A2ML1: variants seen among roughly 807,000 people sequenced by gnomAD.
A2ML1 encodes alpha-2-macroglobulin like 1.
A neutral mutation model predicts 181.9 loss-of-function variants in A2ML1; 161 were observed. The observed-to-expected ratio is 0.89, with a 90% CI of 0.78 to 1.01. A2ML1 has a LOEUF of 1.01. A2ML1 is among the 50% of genes least tolerant of loss of function. The pLI, the probability that A2ML1 is intolerant of heterozygous loss-of-function variation, is 0.00. For synonymous variants in A2ML1, 663 were observed against 666.8 expected (o/e 0.99, Z 0.09); for missense variants, 1,670 against 1,768.1 (o/e 0.94, Z 1.00).
chr12:8,851,378 C>G (rs1479556693), intron 18 of A2ML1, among the ~76,000 whole-genome samples: 1 of 151,902 alleles, frequency 6.6e-6, no homozygotes, highest in Non-Finnish European at 1.5e-5. Context: ...CATACAATAA[C>G]AATAACAATT....
chr12:8,884,423 A>C (rs898372218), intron 7 of A2ML1, among the ~76,000 whole-genome samples: 4 of 148,780 alleles, frequency 2.7e-5, no homozygotes, highest in African/African-American at 9.9e-5. Flanking sequence ...CCCTCCTCCT[A>C]CTATCCTCCG....
At chr12:8,873,852 C>G (rs1041577520) in intron 33 of A2ML1, among the ~76,000 whole-genome samples, 1 of 151,932 alleles carries the variant, frequency 6.6e-6, no homozygotes, top group African/African-American at 2.4e-5. Flanking sequence ...AGCCATGGGT[C>G]AGGGTGGACC....
chr12:8,868,459 T>TGTGC (rs2136961703), intron 31 of A2ML1, 78 bp from the exon 32 acceptor site: 1 of 1,399,296 alleles, frequency 7.1e-7, no homozygotes, highest in Non-Finnish European at 9.6e-7. Flanking sequence ...TGTGTGTACG[T>TGTGC]GTGTGTGTGT....
intron 28 of A2ML1, among the ~76,000 whole-genome samples, chr12:8,861,602 C>T (rs1944267091): frequency 6.6e-6 from 1 of 152,092 alleles, no homozygotes; most frequent in Non-Finnish European, 1.5e-5. Flanking sequence ...ATTCTCCTGC[C>T]TCAGCCTCCC....
At chr12:8,827,866 G>T (rs1942980779) in intron 3 of A2ML1, among the ~76,000 whole-genome samples, 1 of 152,174 alleles carries the variant, frequency 6.6e-6, no homozygotes, top group African/African-American at 2.4e-5. Flanking sequence ...GGCTCATAGA[G>T]GTACCTCCTT....
chr12:8,858,904 T>G (rs1944163219), intron 26 of A2ML1, among the ~76,000 whole-genome samples: 1 of 152,130 alleles, frequency 6.6e-6, no homozygotes, highest in Admixed American at 6.5e-5. Context: ...TGTAAGAAGT[T>G]TACTCTATTG....
Position 8,868,834 on chromosome 12 carries a change from G to C in A2ML1, c.4152+207G>C, listed in dbSNP as rs7969113. Among the ~76,000 whole-genome samples the C allele has an allele frequency of 0.2, 30,412 of 151,744 alleles. 3,311 individuals are homozygous for C. Among genetic ancestry groups the C allele is most frequent in the African/African-American group, 0.29 (12,100 of 41,288 alleles). On this transcript the variant is annotated intron_variant, in intron 32 of 35. Coordinates refer to ENST00000299698, the MANE Select transcript of A2ML1 (RefSeq NM_144670.6). ...TATATGGCATCCATATACACAGTAT[G>C]TGATTATATATATGTGTGTGTATAC...
Position 8,869,193 on chromosome 12 carries a change from A to T in A2ML1, c.4211A>T (p.Tyr1404Phe). The T allele has an allele frequency of 6.2e-7, 1 of 1,614,024 alleles. No homozygotes were observed. Among genetic ancestry groups the T allele is most frequent in the African/African-American group, 1.3e-5 (1 of 75,002 alleles). The change falls in exon 33 of 36, where the codon TAC becomes TTC. Residue 1404 changes from tyrosine (Y) to phenylalanine (F), a missense_variant. Tyr to Phe is a conservative substitution (Grantham distance 22, BLOSUM62 3). Coordinates refer to ENST00000299698, the MANE Select transcript of A2ML1 (RefSeq NM_144670.6). ...TTTGGAACTGACACACTTAACATTT[A>T]CTTGGATGAGGTAGGTATTCAGGAA... ...VEFGTDTLNI[Y>F]LDELIKNTQT...
At position 8,874,495 on chromosome 12, in the gene A2ML1, C is replaced by T. The variant is rs863224955; in HGVS notation, c.4292C>T (p.Ala1431Val). 1 of 1,614,012 alleles carries T rather than the reference C, an allele frequency of 6.2e-7. No homozygotes were observed. Among genetic ancestry groups the T allele is most frequent in the Non-Finnish European group, 8.5e-7 (1 of 1,179,908 alleles). The change falls in exon 34 of 36, where the codon GCA (alanine) becomes GTA (valine). Residue 1431 changes from alanine (A) to valine (V), a missense_variant. Coordinates refer to ENST00000299698, the MANE Select transcript of A2ML1 (RefSeq NM_144670.6). ...GTGCTGGTCACCAACTTGAAACCAG[C>T]AACCATCAAGGTCTATGACTACTAC... Reference protein sequence around the residue: ...QSVLVTNLKPATIKVYDYYLP... With the variant: ...QSVLVTNLKPVTIKVYDYYLP...
chr12:8,879,328 C>T (rs763579517), downstream of A2ML1, among the ~76,000 whole-genome samples: 1 of 151,882 alleles, frequency 6.6e-6, no homozygotes, highest in Non-Finnish European at 1.5e-5. Context: ...CCTGTCCCTA[C>T]TAAATATACA....
intron 23 of A2ML1, among the ~76,000 whole-genome samples, chr12:8,856,814 T>C (rs1222426770): frequency 6.6e-6 from 1 of 152,120 alleles, no homozygotes; most frequent in Non-Finnish European, 1.5e-5. Flanking sequence ...TAATGTGTTG[T>C]AATGGTTTGC....
At chr12:8,869,097 G>T (rs1944533375) in intron 32 of A2ML1, 38 bp from the exon 33 acceptor site, 1 of 1,605,306 alleles carries the variant, frequency 6.2e-7, no homozygotes, top group East Asian at 2.2e-5. Context: ...GGAAGGCTCT[G>T]GCTCTTAGTA....
chr12:8,825,431 C>G (rs932767726), intron 3 of A2ML1, among the ~76,000 whole-genome samples: 1 of 152,018 alleles, frequency 6.6e-6, no homozygotes, highest in Non-Finnish European at 1.5e-5. Context: ...TTTGCCCGTT[C>G]TTTAATCTGA....
At chr12:8,875,984 T>A (rs1490520835) in intron 35 of A2ML1, 74 bp from the exon 36 acceptor site, 1 of 152,184 alleles carries the variant, frequency 6.6e-6, no homozygotes, top group African/African-American at 2.4e-5. Context: ...AGAGGTCAAG[T>A]ATCCTCTATG....
chr12:8,851,520 C>G (rs1321145777), intron 18 of A2ML1, among the ~76,000 whole-genome samples: 1 of 152,080 alleles, frequency 6.6e-6, no homozygotes, highest in Non-Finnish European at 1.5e-5. Flanking sequence ...ATCCTCCTGC[C>G]TCAGCCTCCT....
intron 33 of A2ML1, 111 bp from the exon 34 acceptor site, chr12:8,874,314 C>G: frequency 2.5e-6 from 2 of 808,162 alleles, no homozygotes; most frequent in Non-Finnish European, 2.0e-6. Context: ...CCGTGCCTGG[C>G]GGGGCTTCAG....
intron 13 of A2ML1, among the ~76,000 whole-genome samples, chr12:8,845,865 T>TAAATAAAAAA (rs1943663690): frequency 7.6e-6 from 1 of 131,212 alleles, no homozygotes; most frequent in Non-Finnish European, 1.6e-5. Context: ...AAAAAAAAAA[T>TAAATAAAAAA]AAATAAAATA....
chr12:8,849,897 C>A, intron 17 of A2ML1, 138 bp downstream of exon 17: 1 of 798,316 alleles, frequency 1.3e-6, no homozygotes, highest in Non-Finnish European at 2.0e-6. Flanking sequence ...AGATGCAGGA[C>A]AGTTTCCCAA....
intron 1 of A2ML1, among the ~76,000 whole-genome samples, chr12:8,822,972 G>A (rs1379862935): frequency 6.6e-6 from 1 of 152,190 alleles, no homozygotes; most frequent in East Asian, 1.9e-4. Context: ...CTCTAGGCAT[G>A]TGTGCTCGGT....
Sources: allele counts gnomAD v4.1 joint callset (sites outside exome capture counted in the v4.1 genomes callset), GRCh38; gene constraint gnomAD v4.1.1; transcripts MANE v1.5; gene names NCBI Gene and HGNC (gene_info 2026-07-23, HGNC 2026-07-21).